UBAP2: variants seen among roughly 807,000 people sequenced by gnomAD.
The protein encoded by UBAP2 is ubiquitin-associated protein 2.
Under a neutral mutation model 139.6 loss-of-function variants are expected in UBAP2, and 75 were observed. The observed-to-expected ratio is 0.54, with a 90% CI of 0.45 to 0.65. UBAP2 has a LOEUF of 0.65. Ranked by LOEUF, UBAP2 falls within the 30% of genes least tolerant of loss-of-function variation. The probability of loss-of-function intolerance (pLI) is 0.00; values close to 1 mark genes in which losing one functional copy is unlikely to be tolerated. For synonymous variants in UBAP2, 526 were observed against 526.2 expected, an observed-to-expected ratio of 1.00 and a Z score of 0.01; for missense variants, 1,368 against 1,369.6, an observed-to-expected ratio of 1.00 and a Z score of 0.02.
chr9:34,005,078 C>A (rs542257002), intron 2 of UBAP2, among the ~76,000 whole-genome samples: 1 of 151,962 alleles, frequency 6.6e-6, no homozygotes, highest in Non-Finnish European at 1.5e-5. Flanking sequence ...GCCTGGCCAA[C>A]ATGGTGAAAC....
intron 1 of UBAP2, among the ~76,000 whole-genome samples, chr9:34,019,039 T>C (rs1824659162): frequency 1.3e-5 from 2 of 152,142 alleles, no homozygotes; most frequent in Non-Finnish European, 2.9e-5. Flanking sequence ...GGGAAGATAT[T>C]CTAACACATG....
intron 4 of UBAP2, among the ~76,000 whole-genome samples, chr9:33,990,375 T>C (rs1329940036): frequency 6.6e-6 from 1 of 152,182 alleles, no homozygotes; most frequent in African/African-American, 2.4e-5. Flanking sequence ...TCCATAACAG[T>C]GGAAGCCAAC....
Position 34,016,381 on chromosome 9 carries a change from G to GTGGTGT in UBAP2, c.99+668_99+669insACACCA, listed in dbSNP as rs1235985845. On this transcript the variant is annotated intron_variant, in intron 2 of 28. Transcript: ENST00000379238. ...AGCGGCGGCAGCGGCGGTGGTGGTG[G>GTGGTGT]TGGTGGTGGTGGTGGTGGTGGTGGT... is the stretch of plus-strand genomic sequence containing the variant. Among the ~76,000 whole-genome samples, 2 of 123,434 alleles carry GTGGTGT rather than the reference G, an allele frequency of 1.6e-5. 1 individual carries two copies. The highest frequency in any genetic ancestry group is 3.9e-5 in the Non-Finnish European group (2 of 51,140). 81.0% of individuals were successfully genotyped at this position (123,434 alleles called of 152,430 possible).
At chr9:33,980,565 C>T (rs1820576264) in intron 6 of UBAP2, among the ~76,000 whole-genome samples, 1 of 152,048 alleles carries the variant, frequency 6.6e-6, no homozygotes, top group South Asian at 2.1e-4. Flanking sequence ...TACATAAACA[C>T]ACTCAACTAC....
rs774299051 is a variant in UBAP2 at position 33,944,652 on chromosome 9, A to T, written c.1271-13T>A. On this transcript the variant is annotated splice_polypyrimidine_tract_variant and intron_variant, in intron 13 of 28. Transcript: ENST00000379238. ...TGAGATTTGAAGTCTAAAAAAAGTA[A>T]GCAGCAATTAATGAGGCATAATGGC... The T allele has an allele frequency of 6.2e-7, 1 of 1,609,892 alleles. No individual in the cohort carries two copies. Among genetic ancestry groups the T allele is most frequent in the South Asian group, 1.1e-5 (1 of 90,964 alleles).
chr9:33,971,508 A>AAGAATAGTTTC (rs1827913389), intron 8 of UBAP2, 143 bp downstream of exon 8: 1 of 597,906 alleles, frequency 1.7e-6, no homozygotes, highest in Admixed American at 2.8e-5. Flanking sequence ...AGAACCAACT[A>AAGAATAGTTTC]AGAATAGTTT....
chr9:33,941,897 T>A, intron 15 of UBAP2, 35 bp from the exon 16 acceptor site: 1 of 1,498,014 alleles, frequency 6.7e-7, no homozygotes, highest in Non-Finnish European at 9.2e-7. Context: ...CATAATTTTG[T>A]TACTTTAAAT....
chr9:33,933,403 T>C (rs1824175617), intron 18 of UBAP2, 87 bp downstream of exon 18: 2 of 1,421,638 alleles, frequency 1.4e-6, no homozygotes, highest in Admixed American at 2.0e-5. Flanking sequence ...ACAACAAGTG[T>C]GCTCTGTTCA....
At chr9:34,009,263 TA>T (rs1423049583) in intron 2 of UBAP2, among the ~76,000 whole-genome samples, 2 of 151,914 alleles carry the variant, frequency 1.3e-5, no homozygotes, top group Non-Finnish European at 2.9e-5. Context: ...CACGGCCAGC[TA>T]ATTTTTCTAT....
chr9:33,973,289 A>G (rs770591093), intron 6 of UBAP2, 52 bp from the exon 7 acceptor site: 5 of 1,560,090 alleles, frequency 3.2e-6, no homozygotes, highest in Non-Finnish European at 4.4e-6. Context: ...GTCCTACACA[A>G]TTACACTTCC....
At chr9:33,965,141 C>T (rs895838954) in intron 8 of UBAP2, among the ~76,000 whole-genome samples, 2 of 152,112 alleles carry the variant, frequency 1.3e-5, no homozygotes, top group East Asian at 1.9e-4. Flanking sequence ...CACCAGTCTC[C>T]GTGTTAAAAC....
chr9:34,035,514 A>AAAAAAAAAAAAAAAAATATATATATATAT, intron 1 of UBAP2, among the ~76,000 whole-genome samples: 1 of 22,472 alleles, frequency 4.4e-5, no homozygotes, highest in African/African-American at 1.3e-4. Context: ...AAAAAAAAAA[A>AAAAAAAAAAAAAAAAATATATATATATAT]ATATATATAT....
At chr9:33,954,900 A>G (rs1209006443) in intron 11 of UBAP2, among the ~76,000 whole-genome samples, 1 of 152,222 alleles carries the variant, frequency 6.6e-6, no homozygotes, top group African/African-American at 2.4e-5. Flanking sequence ...CTAAGGTATC[A>G]TATGTAACCA....
At chr9:33,962,563 T>C (rs1419914024) in intron 9 of UBAP2, among the ~76,000 whole-genome samples, 1 of 151,786 alleles carries the variant, frequency 6.6e-6, no homozygotes. Flanking sequence ...GGAGAATCGT[T>C]TGAACCCAGG....
chr9:34,021,899 G>C (rs910271760), intron 1 of UBAP2, among the ~76,000 whole-genome samples: 5 of 152,080 alleles, frequency 3.3e-5, no homozygotes, highest in Admixed American at 3.3e-4. Context: ...CTCCCAAAGT[G>C]CTGCAATTAC....
At chr9:33,989,194 T>C (rs1259675648) in intron 4 of UBAP2, 68 bp from the exon 5 acceptor site, 13 of 1,438,130 alleles carry the variant, frequency 9.0e-6, no homozygotes, top group South Asian at 7.4e-5. Context: ...GGCACATGCA[T>C]GTATCTTTCT....
chr9:33,924,413 AG>A (rs1823242327), intron 22 of UBAP2, 129 bp from the exon 23 acceptor site: 15 of 875,748 alleles, frequency 1.7e-5, no homozygotes, highest in Non-Finnish European at 2.7e-5. Flanking sequence ...CAGCAGTCCC[AG>A]GGAACGCCAA....
At chr9:33,945,141 T>TA (rs11380272) in intron 13 of UBAP2, among the ~76,000 whole-genome samples, 46,886 of 143,166 alleles carry the variant, frequency 0.33, 7,935 homozygotes, top group African/African-American at 0.47. Flanking sequence ...ATCCAAAAAT[T>TA]AAAAAAAAAA....
intron 8 of UBAP2, among the ~76,000 whole-genome samples, chr9:33,964,867 C>T (rs1034804308): frequency 2.0e-5 from 3 of 152,050 alleles, no homozygotes; most frequent in African/African-American, 7.2e-5. Context: ...GTATGCTTTC[C>T]CACCAGGCAT....
Sources: gnomAD v4.1 joint callset for allele counts (sites outside exome capture counted in the v4.1 genomes callset) on GRCh38, gnomAD v4.1.1 for gene constraint, MANE v1.5 for transcripts, NCBI Gene and HGNC (gene_info 2026-07-23, HGNC 2026-07-21) for gene names.